BMP1: variants seen among roughly 807,000 people sequenced by gnomAD.
BMP1 encodes mammalian tolloid protein.
In BMP1, 63 loss-of-function variants were observed where a neutral mutation model predicts 116.8. The ratio of observed to expected loss-of-function variants is 0.54; its 90% CI spans 0.44 to 0.67. The LOEUF is 0.67. BMP1 is among the 30% of genes least tolerant of loss of function. The pLI, the probability that BMP1 is intolerant of heterozygous loss-of-function variation, is 0.00. For synonymous variants in BMP1, 536 were observed against 533.4 expected, an observed-to-expected ratio of 1.00 and a Z score of -0.07; for missense variants, 1,183 against 1,358.9, an observed-to-expected ratio of 0.87 and a Z score of 2.04.
intron 8 of BMP1, among the ~76,000 whole-genome samples, chr8:22,183,784 C>G (rs957147998): frequency 6.6e-6 from 1 of 152,076 alleles, no homozygotes; most frequent in Admixed American, 6.6e-5. Flanking sequence ...CCATGTTGGT[C>G]AGGCTGGTCT....
chr8:22,192,509 T>C (rs987816362), intron 9 of BMP1, among the ~76,000 whole-genome samples: 1 of 152,204 alleles, frequency 6.6e-6, no homozygotes, highest in Non-Finnish European at 1.5e-5. Flanking sequence ...ATCTGGGCAC[T>C]TTCAGAGGAT....
intron 16 of BMP1, among the ~76,000 whole-genome samples, chr8:22,205,050 G>C (rs1297479076): frequency 6.6e-6 from 1 of 152,200 alleles, no homozygotes; most frequent in Non-Finnish European, 1.5e-5. Context: ...ACGGGGAGGA[G>C]GGACACTTGC....
At chr8:22,177,258 C>G (rs956084756) in intron 5 of BMP1, 119 bp downstream of exon 5, 2 of 1,091,034 alleles carry the variant, frequency 1.8e-6, no homozygotes, top group South Asian at 1.6e-5. Flanking sequence ...GGGCCCGCAG[C>G]GCTGCCCACA....
chr8:22,173,466 G>A (rs944221724), intron 1 of BMP1, 136 bp from the exon 2 acceptor site: 44 of 578,700 alleles, frequency 7.6e-5, no homozygotes, highest in Non-Finnish European at 1.0e-4. Context: ...TCTCCTTCTC[G>A]TTCAGATGGC....
At position 22,206,955 on chromosome 8, in the gene BMP1, A is replaced by C; in HGVS notation, c.2335A>C (p.Ser779Arg). Residue 779 changes from serine (S) to arginine (R), a missense_variant, in exon 17 of 20, where the codon AGC becomes CGC. This residue lies in a region of BMP1 where 956 missense variants were observed against 1,135.2 expected (regional missense o/e 0.84). Transcript: ENST00000306385. ...GAAGGAGTGCACGTGGGCCATCTCC[A>C]GCACCCCCGGGCACCGGGTCAAGCT... ...SKKECTWAIS[S>R]TPGHRVKLTF... is the part of the protein sequence containing the mutation. 1 of 1,614,144 alleles carries C rather than the reference A, an allele frequency of 6.2e-7. No individual in the cohort carries two copies. The highest frequency in any genetic ancestry group is 1.7e-5 in the Admixed American group (1 of 60,028).
At chr8:22,191,494 T>G (rs564742989) in intron 8 of BMP1, among the ~76,000 whole-genome samples, 1 of 152,178 alleles carries the variant, frequency 6.6e-6, no homozygotes, top group Admixed American at 6.5e-5. Context: ...TCCCAGCACT[T>G]TGGGAGGCTC....
chr8:22,187,254 G>C (rs2131867413), intron 8 of BMP1, among the ~76,000 whole-genome samples: 1 of 152,118 alleles, frequency 6.6e-6, no homozygotes, highest in African/African-American at 2.4e-5. Context: ...GCCTCCCAAA[G>C]TGTTGGGATT....
At position 22,173,657 on chromosome 8, in the gene BMP1, A is replaced by G. The variant is rs749485360; in HGVS notation, c.204A>G (p.Val68=). 3.9e-5 allele frequency: 63 copies of G among 1,613,748 alleles called. No homozygotes were observed. Among genetic ancestry groups the G allele is most frequent in the Non-Finnish European group, 5.3e-5 (62 of 1,179,772 alleles). The part of the protein sequence containing the change: ...LDEEDLRAFQ[V]QQAVDLRRHT... ...AAGAGGACCTGAGGGCCTTCCAGGT[A>G]CAGCAGGCTGTGGATCTCAGACGGC... is the stretch of plus-strand genomic sequence containing the variant. Residue 68 remains valine, a synonymous_variant, in exon 2 of 20, where the codon GTA becomes GTG. Transcript: ENST00000306385.
At chr8:22,197,452 C>A in intron 15 of BMP1, 32 bp downstream of exon 15, 2 of 1,578,190 alleles carry the variant, frequency 1.3e-6, no homozygotes, top group South Asian at 1.1e-5. Context: ...CCTAGCCCCA[C>A]CTCTCCTCGG....
chr8:22,189,699 T>C (rs1828876569), intron 8 of BMP1, among the ~76,000 whole-genome samples: 1 of 151,886 alleles, frequency 6.6e-6, no homozygotes, highest in Non-Finnish European at 1.5e-5. Context: ...ACTCCTGGAC[T>C]CAAGCGATCC....
At chr8:22,200,556 G>C (rs1432333148) in intron 15 of BMP1, among the ~76,000 whole-genome samples, 1 of 152,010 alleles carries the variant, frequency 6.6e-6, no homozygotes, top group Non-Finnish European at 1.5e-5. Flanking sequence ...TGGTGTATTG[G>C]AGATTGGAGC....
At chr8:22,188,241 T>A (rs1249141575) in intron 8 of BMP1, among the ~76,000 whole-genome samples, 1 of 150,454 alleles carries the variant, frequency 6.6e-6, no homozygotes, top group African/African-American at 2.5e-5. Flanking sequence ...TGATCATGGC[T>A]TATTCCAGCC....
At position 22,177,933 on chromosome 8, in the gene BMP1, A is replaced by G; in HGVS notation, c.812A>G (p.His271Arg). 3.7e-6 allele frequency: 6 copies of G among 1,612,754 alleles called. No homozygotes were observed. The highest frequency in any genetic ancestry group is 5.1e-6 in the Non-Finnish European group (6 of 1,179,056). Residue 271 changes from histidine (H) to arginine (R), a missense_variant, in exon 6 of 20, where the codon CAT becomes CGT. By Grantham distance (29) the His-to-Arg change is conservative. Transcript: ENST00000306385. ...ACCTATGACTTCGACAGCATCATGC[A>G]TTACGCTCGGAACACATTCTCCAGG... ...GETYDFDSIM[H>R]YARNTFSRGI...
rs1258252615 is a variant in BMP1, at chr8:22,194,870, C to G, written c.1590C>G (p.Val530=). Residue 530 remains valine, a synonymous_variant, in exon 12 of 20, where the codon GTC becomes GTG. Transcript: ENST00000306385. The surrounding 1 kb of genome is among the most constrained non-coding windows in gnomAD (Gnocchi z 4.5). ...STSSRLWLKF[V]SDGSINKAGF... The stretch of plus-strand genomic sequence containing the variant: ...CCAGCCGCCTCTGGCTCAAGTTCGT[C>G]TCTGACGGGTCCATTAACAAAGCGG... 1.2e-6 allele frequency: 2 copies of G among 1,613,426 alleles called. No homozygotes were observed. The highest frequency in any genetic ancestry group is 1.7e-6 in the Non-Finnish European group (2 of 1,179,898).
In BMP1 at chr8:22,173,628, G is replaced by T. The variant is rs1828345293; in HGVS notation, c.175G>T (p.Asp59Tyr). The change falls in exon 2 of 20, where the codon GAC becomes TAC. Residue 59 changes from aspartate (D) to tyrosine (Y), a missense_variant. Transcript: ENST00000306385. ...TGCCTTTCTTGGGGACATTGCCCTGGACGAAGAGGACCTGAGGGCCTTCCA... is the reference window on the plus strand; with the variant it reads ...TGCCTTTCTTGGGGACATTGCCCTGTACGAAGAGGACCTGAGGGCCTTCCA... ...AAAFLGDIAL[D>Y]EEDLRAFQVQ... 2 of 1,613,336 alleles carry T rather than the reference G, an allele frequency of 1.2e-6. No individual in the cohort carries two copies. The highest frequency in any genetic ancestry group is 2.2e-5 in the East Asian group (1 of 44,838).
chr8:22,174,717 C>G (rs527546461), intron 2 of BMP1, among the ~76,000 whole-genome samples: 62 of 148,072 alleles, frequency 4.2e-4, no homozygotes, highest in Non-Finnish European at 7.7e-4. Flanking sequence ...ACTGCAACCT[C>G]TACCTCCTGA....
intron 19 of BMP1, among the ~76,000 whole-genome samples, chr8:22,210,442 T>G (rs1829442166): frequency 8.2e-6 from 1 of 121,652 alleles, no homozygotes; most frequent in Non-Finnish European, 1.8e-5. Context: ...TCTCTCTCTC[T>G]TTCCCTCTCT....
At chr8:22,185,675 G>A (rs1397219930) in intron 8 of BMP1, among the ~76,000 whole-genome samples, 2 of 151,632 alleles carry the variant, frequency 1.3e-5, no homozygotes, top group Non-Finnish European at 2.9e-5. Flanking sequence ...AAGCTGGAGT[G>A]CAGTGGCACG....
chr8:22,199,255 GC>G (rs1563271510), intron 15 of BMP1: 1 of 1,367,522 alleles, frequency 7.3e-7, no homozygotes, highest in Non-Finnish European at 9.8e-7. Context: ...TCTGACTCTG[GC>G]CCCCCAGGAG....
Sources: gnomAD v4.1 joint callset for allele counts (sites outside exome capture counted in the v4.1 genomes callset) on GRCh38, gnomAD v4.1.1 for gene constraint, gnomAD v4.1.1 regional missense constraint, Gnocchi (gnomAD v3.1) non-coding constraint, MANE v1.5 for transcripts, NCBI Gene and HGNC (gene_info 2026-07-23, HGNC 2026-07-21) for gene names.